WWTR1: variants seen among roughly 807,000 people sequenced by gnomAD.
WWTR1 encodes WW domain-containing transcription regulator protein 1.
Under a neutral mutation model 40.1 loss-of-function variants are expected in WWTR1, and 13 were observed. The observed-to-expected ratio is 0.32, with a 90% CI of 0.21 to 0.52. The LOEUF is 0.52. WWTR1 is among the 20% of genes least tolerant of loss of function. WWTR1 has a pLI of 0.97. For synonymous variants in WWTR1, 230 were observed against 210.1 expected (o/e 1.09, Z -0.82); for missense variants, 436 against 523.1 (o/e 0.83, Z 1.63).
At chr3:149,560,897 G>A (rs1485956875) in intron 3 of WWTR1, among the ~76,000 whole-genome samples, 6 of 152,012 alleles carry the variant, frequency 3.9e-5, no homozygotes, top group Non-Finnish European at 8.8e-5. Flanking sequence ...AAAGCTAGGT[G>A]GCTGGTTAAA....
chr3:149,584,060 T>C (rs1738290210), intron 2 of WWTR1, among the ~76,000 whole-genome samples: 2 of 152,202 alleles, frequency 1.3e-5, no homozygotes, highest in African/African-American at 4.8e-5. Context: ...GACAATTGTT[T>C]TTCCATGCTC....
At chr3:149,677,991 G>A (rs968522905) in intron 1 of WWTR1, among the ~76,000 whole-genome samples, 7 of 151,388 alleles carry the variant, frequency 4.6e-5, no homozygotes, top group Non-Finnish European at 5.9e-5. Flanking sequence ...GGCTGATCTC[G>A]AACTCCTGAT....
intron 1 of WWTR1, among the ~76,000 whole-genome samples, chr3:149,699,239 T>G (rs1173994993): frequency 2.0e-5 from 3 of 152,298 alleles, no homozygotes; most frequent in African/African-American, 7.2e-5. Context: ...GGGCACATCT[T>G]GAATGCTTTG....
At chr3:149,704,993 AG>A (rs1715293404), upstream of WWTR1, among the ~76,000 whole-genome samples, 1 of 152,106 alleles carries the variant, frequency 6.6e-6, no homozygotes, top group Non-Finnish European at 1.5e-5. Context: ...AGATGTTATA[AG>A]AACAGGATGA....
intron 3 of WWTR1, among the ~76,000 whole-genome samples, chr3:149,565,364 C>A (rs1222252526): frequency 6.8e-6 from 1 of 147,596 alleles, no homozygotes; most frequent in Non-Finnish European, 1.5e-5. Context: ...TTTATTATTT[C>A]TTATCAAAGA....
chr3:149,664,735 T>G (rs1443192272), intron 2 of WWTR1, among the ~76,000 whole-genome samples: 4 of 151,840 alleles, frequency 2.6e-5, no homozygotes, highest in African/African-American at 9.7e-5. Flanking sequence ...ATTACAGGCA[T>G]GCGCCATCAT....
chr3:149,610,939 T>C (rs908305846), intron 2 of WWTR1, among the ~76,000 whole-genome samples: 1 of 152,034 alleles, frequency 6.6e-6, no homozygotes. Flanking sequence ...AGTCAGGAGT[T>C]TGAGACCAGC....
intron 4 of WWTR1, among the ~76,000 whole-genome samples, chr3:149,531,920 A>G (rs1735600069): frequency 6.6e-6 from 1 of 152,172 alleles, no homozygotes; most frequent in Non-Finnish European, 1.5e-5. Context: ...AGCCACAAAT[A>G]TGAGAGAAAT....
rs532312119 is a variant in WWTR1, at chr3:149,604,638, T to A, written c.432-31638A>T. 3.9e-5 allele frequency among the ~76,000 whole-genome samples: 6 copies of A among 152,280 alleles called. No individual in the cohort carries two copies. In the South Asian group the frequency reaches 1.2e-3, roughly 32 times the overall value. Reference sequence around the variant, plus strand: ...CCAGCCCCATTCCTCCCAGCCCACATGCTGACCAGCTGCTCAGTGTTTCTC... The same window carrying A: ...CCAGCCCCATTCCTCCCAGCCCACAAGCTGACCAGCTGCTCAGTGTTTCTC... On this transcript the variant is annotated intron_variant, in intron 2 of 6. Transcript: ENST00000360632.
chr3:149,675,925 T>C (rs1714243697), intron 1 of WWTR1, among the ~76,000 whole-genome samples: 1 of 152,006 alleles, frequency 6.6e-6, no homozygotes, highest in South Asian at 2.1e-4. Flanking sequence ...CACCATGGTC[T>C]CGATCTCCTG....
At chr3:149,621,756 T>C (rs1409109275) in intron 2 of WWTR1, among the ~76,000 whole-genome samples, 1 of 151,910 alleles carries the variant, frequency 6.6e-6, no homozygotes, top group Non-Finnish European at 1.5e-5. Flanking sequence ...TCTGATGTAA[T>C]GCATTACAGG....
intron 2 of WWTR1, among the ~76,000 whole-genome samples, chr3:149,617,205 T>G (rs1740016291): frequency 6.6e-6 from 1 of 152,194 alleles, no homozygotes; most frequent in South Asian, 2.1e-4. Context: ...GGTCACAATT[T>G]GAGGGTCTCC....
chr3:149,667,097 C>T (rs1713852488), intron 2 of WWTR1, among the ~76,000 whole-genome samples: 2 of 152,042 alleles, frequency 1.3e-5, no homozygotes, highest in Non-Finnish European at 2.9e-5. Flanking sequence ...ATTATTGGAG[C>T]GCTTGTGTGT....
intron 2 of WWTR1, among the ~76,000 whole-genome samples, chr3:149,635,294 T>C (rs111563954): frequency 3.9e-5 from 6 of 152,320 alleles, no homozygotes; most frequent in African/African-American, 1.4e-4. Flanking sequence ...TGATGAAAGA[T>C]TCAAATGAAG....
At chr3:149,585,155 T>TGTGTGTGTGTGTGTG (rs1553795598) in intron 2 of WWTR1, among the ~76,000 whole-genome samples, 78 of 151,508 alleles carry the variant, frequency 5.1e-4, no homozygotes, top group South Asian at 1.9e-3. Flanking sequence ...TGTGTGTGTG[T>TGTGTGTGTGTGTGTG]TTAAGATGGA....
intron 3 of WWTR1, among the ~76,000 whole-genome samples, chr3:149,565,838 G>A (rs976781525): frequency 2.0e-5 from 3 of 151,660 alleles, no homozygotes; most frequent in Non-Finnish European, 4.4e-5. Flanking sequence ...TTGAACCCGG[G>A]AGGTGGAGGT....
chr3:149,662,621 T>A (rs1470521069), upstream of WWTR1, among the ~76,000 whole-genome samples: 1 of 152,230 alleles, frequency 6.6e-6, no homozygotes, highest in East Asian at 1.9e-4. Context: ...AGTGGTCTCC[T>A]AACTGGTTTC....
intron 4 of WWTR1, 78 bp from the exon 5 acceptor site, chr3:149,528,047 T>G: frequency 6.6e-7 from 1 of 1,523,894 alleles, no homozygotes; most frequent in South Asian, 1.3e-5. Flanking sequence ...ACATCAAAAC[T>G]TTTCACCAAA....
At chr3:149,681,051 A>T (rs1429910725) in intron 1 of WWTR1, among the ~76,000 whole-genome samples, 2 of 152,256 alleles carry the variant, frequency 1.3e-5, no homozygotes, top group Non-Finnish European at 2.9e-5. Flanking sequence ...TACAGCTTTC[A>T]ATACAAGAAG....
Sources: allele counts gnomAD v4.1 joint callset (sites outside exome capture counted in the v4.1 genomes callset), GRCh38; gene constraint gnomAD v4.1.1; transcripts MANE v1.5; gene names NCBI Gene and HGNC (gene_info 2026-07-23, HGNC 2026-07-21).